Variants in TTN observed in about 807,000 individuals in gnomAD.
TTN encodes the protein connectin.
A neutral mutation model predicts 3,223.0 loss-of-function variants in TTN; 1,525 were observed. The observed-to-expected ratio is 0.47, with a 90% confidence interval of 0.45 to 0.49. TTN has a LOEUF of 0.49. Ranked by LOEUF, TTN falls within the 20% of genes least tolerant of loss-of-function variation. The pLI, the probability that TTN is intolerant of heterozygous loss-of-function variation, is 0.00. For synonymous variants in TTN, 14,094 were observed against 15,161.0 expected, an observed-to-expected ratio of 0.93 and a Z score of 5.17; for missense variants, 40,786 against 43,424.0, an observed-to-expected ratio of 0.94 and a Z score of 5.40.
rs538057461 is a variant in TTN, at chr2:178,566,612, G to T, written c.79520C>A (p.Ala26507Asp). The T allele has an allele frequency of 1.3e-5, 21 of 1,612,446 alleles. No individual in the cohort carries two copies. The Admixed American group carries it at 2.8e-4, about 22-fold the overall frequency. ...VDTTKNSITL[A>D]WGKPIYDGGS... ...GCCATCATAGATGGGTTTACCCCAG[G>T]CAAGTGTGATTGAATTTTTAGTGGT... Residue 26507 changes from alanine (A) to aspartate (D), a missense_variant, in exon 326 of 363, where the codon GCC (alanine) becomes GAC (aspartate). By Grantham distance (126) the Ala-to-Asp change is moderately radical (BLOSUM62 -2). Transcript: ENST00000589042.
chr2:178,612,622 C>A, intron 265 of TTN, 46 bp from the exon 266 acceptor site: 2 of 1,569,594 alleles, frequency 1.3e-6, no homozygotes, highest in South Asian at 1.2e-5. Context: ...TTTTTATTAC[C>A]CAATAGTCAG....
At chr2:178,619,342 C>A in intron 250 of TTN, 1 of 487,684 alleles carries the variant, frequency 2.1e-6, no homozygotes, top group Non-Finnish European at 3.6e-6. Flanking sequence ...TTAGATTTGC[C>A]AAGACTCTCA....
chr2:178,607,333 CA>C lies in TTN; in HGVS notation c.53288-20del. The stretch of plus-strand genomic sequence containing the variant: ...GGGACATCTGAAAACAAAACAAAGC[CA>C]AAAATCAATGTAATAAGATAGTATC... On this transcript the variant is annotated intron_variant, in intron 277 of 362. Transcript: ENST00000589042. 1.2e-6 allele frequency: 2 copies of C among 1,611,540 alleles called. No homozygotes were observed. The highest frequency in any genetic ancestry group is 1.7e-6 in the Non-Finnish European group (2 of 1,179,004).
rs1488730809 is a variant in TTN at position 178,560,640 on chromosome 2, A to G, written c.85492T>C (p.Trp28498Arg). Residue 28498 changes from tryptophan (W) to arginine (R), a missense_variant, in exon 326 of 363, where the codon TGG becomes CGG. Coordinates refer to ENST00000589042, the MANE Select transcript of TTN (RefSeq NM_001267550.2). ...TGTAACTCTCCTTCACATATTGTCC[A>G]TGCAAGGTGGCTTGTTTCACGTTTT... Reference protein sequence around the residue: ...VEKRETSHLAWTICEGELQMT... With the variant: ...VEKRETSHLARTICEGELQMT... 3 of 1,613,624 alleles carry G rather than the reference A, an allele frequency of 1.9e-6. No homozygotes were observed. Among genetic ancestry groups the G allele is most frequent in the Admixed American group, 1.7e-5 (1 of 60,000 alleles).
intron 88 of TTN, 85 bp from the exon 89 acceptor site, chr2:178,715,859 T>C: frequency 7.3e-7 from 1 of 1,363,012 alleles, no homozygotes; most frequent in African/African-American, 1.5e-5. Context: ...TAATCTTTGC[T>C]AGAGAGGTCT....
intron 47 of TTN, chr2:178,749,166 C>G (rs2084611159): frequency 6.2e-7 from 1 of 1,611,920 alleles, no homozygotes; most frequent in Non-Finnish European, 8.5e-7. Flanking sequence ...TGGGCACATT[C>G]TTGTACATTT....
At position 178,758,040 on chromosome 2, in the gene TTN, C is replaced by T. The variant is rs779457782; in HGVS notation, c.10304-124G>A. 6.7e-6 allele frequency: 7 copies of T among 1,047,574 alleles called. No individual in the cohort carries two copies. In the South Asian group the frequency reaches 1.0e-4, roughly 15 times the overall value. 64.9% of individuals were successfully genotyped at this position (1,047,574 alleles called of 1,614,324 possible). The stretch of plus-strand genomic sequence containing the variant: ...CTAGAATTCAGTCCACTCCTACTGC[C>T]TTGTCCTTGTATGTCACTATTGACT... On this transcript the variant is annotated intron_variant, in intron 44 of 362. Transcript: ENST00000589042.
rs759946219 is a variant in TTN at position 178,568,396 on chromosome 2, C to G, written c.77736G>C (p.Trp25912Cys). ...AGCCCCCTGTATATAATGGAGGGTT[C>G]CAAGATAATGTAATACTTTCAGCAC... ...DVSAESITLS[W>C]NPPLYTGGCQ... Residue 25912 changes from tryptophan (W) to cysteine (C), a missense_variant, in exon 326 of 363, where the codon TGG (tryptophan) becomes TGC (cysteine). By Grantham distance (215) the Trp-to-Cys change is radical (BLOSUM62 -2). Coordinates refer to ENST00000589042, the MANE Select transcript of TTN (RefSeq NM_001267550.2). 6.2e-7 allele frequency: 1 copy of G among 1,613,056 alleles called. No homozygotes were observed. The highest frequency in any genetic ancestry group is 1.7e-5 in the Admixed American group (1 of 59,916).
Position 178,667,275 on chromosome 2 carries a change from C to T in TTN, c.35758G>A (p.Glu11920Lys). The T allele has an allele frequency of 6.2e-7, 1 of 1,605,514 alleles. No homozygotes were observed. The highest frequency in any genetic ancestry group is 8.5e-7 in the Non-Finnish European group (1 of 1,176,060). ...RGIFPEVEPP[E>K]AIPEIPEHPP... is the part of the protein sequence containing the mutation. ...TGTTCTGGAATTTCAGGAATAGCCT[C>T]AGGTGGCTCCACCTCTGGAAAAATG... The change falls in exon 162 of 363, where the codon GAG becomes AAG. Residue 11920 changes from glutamate to lysine, a missense_variant. Physicochemically the swap from Glu to Lys is moderately conservative, Grantham distance 56. Coordinates refer to ENST00000589042, the MANE Select transcript of TTN (RefSeq NM_001267550.2).
At chr2:178,613,114 AGTT>A in intron 264 of TTN, 42 bp from the exon 265 acceptor site, 1 of 1,610,376 alleles carries the variant, frequency 6.2e-7, no homozygotes, top group Non-Finnish European at 8.5e-7. Flanking sequence ...GTCAAAAAGG[AGTT>A]CATATGAACT....
rs754194524 is a variant in TTN, at chr2:178,718,943, G to A, written c.24257C>T (p.Ser8086Phe). The A allele has an allele frequency of 1.5e-5, 24 of 1,610,054 alleles. No homozygotes were observed. Among genetic ancestry groups the A allele is most frequent in the Non-Finnish European group, 1.6e-5 (19 of 1,178,050 alleles). ...EPPSFEQTPD[S>F]VEVLPGMSLT... ...GCTCATTCCAGGCAAAACTTCCACA[G>A]AATCAGGGGTTTGTTCAAAAGATGG... Residue 8086 changes from serine (S) to phenylalanine (F), a missense_variant, in exon 84 of 363, where the codon TCT (serine) becomes TTT (phenylalanine). Transcript: ENST00000589042.
chr2:178,745,596 T>C (rs1183179842), intron 47 of TTN: 1 of 1,612,560 alleles, frequency 6.2e-7, no homozygotes, highest in Non-Finnish European at 8.5e-7. Context: ...TAAGTTAAGG[T>C]GAGTGCTGCA....
Position 178,632,921 on chromosome 2 carries a change from T to G in TTN, c.43210A>C (p.Lys14404Gln). The G allele has an allele frequency of 1.2e-6, 2 of 1,612,796 alleles. No homozygotes were observed. Among genetic ancestry groups the G allele is most frequent in the Non-Finnish European group, 1.7e-6 (2 of 1,179,304 alleles). The change falls in exon 234 of 363, where the codon AAA (lysine) becomes CAA (glutamine). Residue 14404 changes from lysine to glutamine, a missense_variant. Physicochemically the swap from Lys to Gln is moderately conservative, Grantham distance 53. Coordinates refer to ENST00000589042, the MANE Select transcript of TTN (RefSeq NM_001267550.2). ...GTGGCTGACAAGTAGAGCATACCTT[T>G]CACTTTCAGATTGGCTGCAGATTTG... is the stretch of plus-strand genomic sequence containing the variant. ...NAKSAANLKV[K>Q]ELPLIFITPL...
rs751897366 is a variant in TTN at position 178,719,798 on chromosome 2, C to T, written c.23694G>A (p.Met7898Ile). The T allele has an allele frequency of 4.3e-5, 69 of 1,612,880 alleles. 1 individual carries two copies. In the South Asian group the frequency reaches 7.3e-4, roughly 17 times the overall value. ...CAAAAGGATTTCCAGTAGTGACAGT[C>T]ATGGGTTCGGGCTTCTCTATGATTC... ...PARIIEKPEP[M>I]TVTTGNPFAL... The change falls in exon 82 of 363, where the codon ATG becomes ATA. Residue 7898 changes from methionine to isoleucine, a missense_variant. Met to Ile is a conservative substitution (Grantham distance 10). Coordinates refer to ENST00000589042, the MANE Select transcript of TTN (RefSeq NM_001267550.2).
At position 178,573,829 on chromosome 2, in the gene TTN, G is replaced by A. The variant is rs1369997735; in HGVS notation, c.72303C>T (p.Thr24101=). Residue 24101 remains threonine (T), a synonymous_variant, in exon 326 of 363, where the codon ACC becomes ACT. Coordinates refer to ENST00000589042, the MANE Select transcript of TTN (RefSeq NM_001267550.2). ...AGCCACCAGGATTAGTCGCTGTAAG[G>A]GTATAGGCACCACTATCCCTTCTTG... ...DSTRRDSGAY[T]LTATNPGGFA... is the part of the protein sequence containing the mutation. 4 of 1,612,342 alleles carry A rather than the reference G, an allele frequency of 2.5e-6. No homozygotes were observed. Among genetic ancestry groups the A allele is most frequent in the Non-Finnish European group, 2.5e-6 (3 of 1,178,858 alleles).
chr2:178,591,254 G>A lies in TTN; in HGVS notation c.60471C>T (p.Ala20157=), dbSNP rs397517645. 7.7e-5 allele frequency: 125 copies of A among 1,613,166 alleles called. No homozygotes were observed. Among genetic ancestry groups the A allele is most frequent in the Non-Finnish European group, 9.3e-5 (110 of 1,179,534 alleles). ...GATGTACGGCTACTGTTTTGCTACC[G>A]GCTGCATTGGAAACTGTGATTTGAT... ...GEYQITVSNA[A]GSKTVAVHLT... The change falls in exon 304 of 363, where the codon GCC becomes GCT. Residue 20157 remains alanine (A), a synonymous_variant. Transcript: ENST00000589042.
chr2:178,702,184 C>T lies in TTN; in HGVS notation c.30495G>A (p.Leu10165=), dbSNP rs1553874949. ...PRGEARSTAE[L]YLTTKEIKLE... is the part of the protein sequence containing the mutation. ...CTACCTCACCTTTCGTCGTTAGGTA[C>T]AGCTCTGCCGTGCTTCTTGCTTCAC... Residue 10165 remains leucine, a synonymous_variant, in exon 108 of 363, where the codon CTG becomes CTA. Coordinates refer to ENST00000589042, the MANE Select transcript of TTN (RefSeq NM_001267550.2). 1.2e-6 allele frequency: 2 copies of T among 1,613,982 alleles called. No homozygotes were observed. The highest frequency in any genetic ancestry group is 2.2e-5 in the South Asian group (2 of 91,082).
At position 178,722,649 on chromosome 2, in the gene TTN, A is replaced by G. The variant is rs532029191; in HGVS notation, c.22240+10T>C. 2 of 1,594,694 alleles carry G rather than the reference A, an allele frequency of 1.3e-6. No homozygotes were observed. Among genetic ancestry groups the G allele is most frequent in the East Asian group, 4.5e-5 (2 of 44,630 alleles). On this transcript the variant is annotated intron_variant, in intron 76 of 362. Coordinates refer to ENST00000589042, the MANE Select transcript of TTN (RefSeq NM_001267550.2). ...AAAAAGAATTTTTTTAATTTGTAAA[A>G]TATCATCACCTTGAATTCTGAACAC...
In TTN at chr2:178,747,822, A is replaced by G. The variant is rs1344714361; in HGVS notation, c.11311+5302T>C. 1.9e-6 allele frequency: 3 copies of G among 1,612,728 alleles called. No individual in the cohort carries two copies. The East Asian group carries it at 6.7e-5, about 36-fold the overall frequency. ...TCATTCTGAACTTGAACTTCTTCATAACATTTTTCTTCTCCAGAGGCATGA... is the reference window on the plus strand; with the variant it reads ...TCATTCTGAACTTGAACTTCTTCATGACATTTTTCTTCTCCAGAGGCATGA... On this transcript the variant is annotated intron_variant, in intron 47 of 362. Transcript: ENST00000589042.
Sources: gnomAD v4.1 joint callset for allele counts on GRCh38, gnomAD v4.1.1 for gene constraint, MANE v1.5 for transcripts, NCBI Gene and HGNC (gene_info 2026-07-23, HGNC 2026-07-21) for gene names.